PUDP: variants seen among roughly 807,000 people sequenced by gnomAD.
PUDP encodes pseudouridine 5'-phosphatase.
A neutral mutation model predicts 9.4 loss-of-function variants in PUDP; 8 were observed. That is an observed-to-expected ratio of 0.85 (90% CI 0.50 to 1.53). PUDP has a LOEUF of 1.53. Ranked by LOEUF, PUDP falls within the 40% of genes most tolerant of loss-of-function variation. The pLI, the probability that PUDP is intolerant of heterozygous loss-of-function variation, is 0.00. For synonymous variants in PUDP, 99 were observed against 80.7 expected, an observed-to-expected ratio of 1.23 and a Z score of -1.22; for missense variants, 188 against 189.7, an observed-to-expected ratio of 0.99 and a Z score of 0.05.
chrX:6,775,235 T>A (rs1003330489), intron 3 of PUDP, among the ~76,000 whole-genome samples: 5 of 112,129 alleles, frequency 4.5e-5, no homozygotes, highest in Non-Finnish European at 9.4e-5. Flanking sequence ...TTATTTCACT[T>A]AGTCTAATTT....
chrX:6,959,289 T>C (rs754976876), intron 3 of PUDP, among the ~76,000 whole-genome samples: 45 of 111,286 alleles, frequency 4.0e-4, no homozygotes, highest in Non-Finnish European at 7.5e-4. Flanking sequence ...GAGAGGCCCA[T>C]GGTGCCCATG....
At chrX:6,771,473 C>A (rs1391790600) in intron 3 of PUDP, among the ~76,000 whole-genome samples, 16 of 112,162 alleles carry the variant, frequency 1.4e-4, no homozygotes, top group Non-Finnish European at 1.9e-5. Context: ...ATGTCCGCAA[C>A]TCAAATTAGT....
At chrX:7,016,458 G>A (rs1245708848) in intron 1 of PUDP, among the ~76,000 whole-genome samples, 3 of 111,360 alleles carry the variant, frequency 2.7e-5, no homozygotes, top group Non-Finnish European at 5.7e-5. Flanking sequence ...TTGGTGGGTA[G>A]GGACAGGAAA....
At chrX:6,998,087 C>T (rs961612612) in intron 1 of PUDP, among the ~76,000 whole-genome samples, 6 of 111,754 alleles carry the variant, frequency 5.4e-5, no homozygotes, top group Non-Finnish European at 1.1e-4. Context: ...TTAAGATCAG[C>T]TTACAAGTAT....
chrX:6,909,402 C>A (rs1927815994), intron 3 of PUDP, among the ~76,000 whole-genome samples: 1 of 112,101 alleles, frequency 8.9e-6, no homozygotes, highest in Non-Finnish European at 1.9e-5. Flanking sequence ...CCCAAGATCA[C>A]TAGGGTCCTT....
intron 1 of PUDP, among the ~76,000 whole-genome samples, chrX:7,006,149 C>T (rs1929399453): frequency 8.9e-6 from 1 of 111,836 alleles, no homozygotes; most frequent in Non-Finnish European, 1.9e-5. Flanking sequence ...GTTGAGGTAC[C>T]AATATCTGTT....
chrX:6,997,592 G>A (rs1275407565), intron 1 of PUDP, among the ~76,000 whole-genome samples: 3 of 112,272 alleles, frequency 2.7e-5, no homozygotes, highest in Non-Finnish European at 5.6e-5. Flanking sequence ...ATAAAATAGT[G>A]CAGATTTCCA....
chrX:6,975,545 G>A (rs1247792021), intron 3 of PUDP, among the ~76,000 whole-genome samples: 2 of 111,389 alleles, frequency 1.8e-5, no homozygotes, highest in Admixed American at 1.9e-4. Flanking sequence ...AGTGGAGGCT[G>A]CAGAACAGCA....
At chrX:6,888,659 AC>A (rs1927466588) in intron 3 of PUDP, among the ~76,000 whole-genome samples, 1 of 110,422 alleles carries the variant, frequency 9.1e-6, no homozygotes, top group African/African-American at 3.3e-5. Context: ...CAAAACAAAA[AC>A]AAAAACAAAA....
intron 3 of PUDP, among the ~76,000 whole-genome samples, chrX:6,726,707 AT>A (rs1048605497): frequency 9.0e-6 from 1 of 111,698 alleles, no homozygotes; most frequent in African/African-American, 3.3e-5. Context: ...GCCAAGGGAG[AT>A]TTTTTTAATG....
chrX:7,116,908 C>T (rs1161011363), intron 1 of PUDP: 2 of 1,157,764 alleles, frequency 1.7e-6, no homozygotes, highest in African/African-American at 1.8e-5. Flanking sequence ...ATGGTACCTC[C>T]CCCCAACTCT....
At chrX:7,074,024 T>C (rs773442410) in intron 3 of PUDP, among the ~76,000 whole-genome samples, 6 of 112,801 alleles carry the variant, frequency 5.3e-5, no homozygotes, top group Non-Finnish European at 9.4e-5. Flanking sequence ...GGTTTCACCA[T>C]AACTGGTCCC....
At chrX:7,000,283 A>G (rs1427674356) in intron 1 of PUDP, among the ~76,000 whole-genome samples, 2 of 111,838 alleles carry the variant, frequency 1.8e-5, no homozygotes, top group Admixed American at 1.9e-4. Context: ...CTAGAAAAAT[A>G]TAACTGACTC....
intron 3 of PUDP, among the ~76,000 whole-genome samples, chrX:6,910,806 C>T (rs1234242728): frequency 1.8e-5 from 2 of 112,064 alleles, no homozygotes; most frequent in Admixed American, 9.4e-5. Flanking sequence ...ATTTATTGCT[C>T]ACAATTCTGG....
chrX:6,759,329 C>A (rs1338237550), intron 3 of PUDP, among the ~76,000 whole-genome samples: 1 of 111,964 alleles, frequency 8.9e-6, no homozygotes, highest in African/African-American at 3.2e-5. Flanking sequence ...TTTCCCCAGT[C>A]AAGATTTTTG....
intron 3 of PUDP, among the ~76,000 whole-genome samples, chrX:6,798,196 G>A (rs1032454838): frequency 3.3e-4 from 37 of 112,000 alleles, no homozygotes; most frequent in African/African-American, 1.1e-3. Context: ...GAAGGCAAAG[G>A]AGAAGCAAAG....
intron 2 of PUDP, among the ~76,000 whole-genome samples, chrX:7,077,933 T>C (rs1326830735): frequency 8.9e-6 from 1 of 112,601 alleles, no homozygotes; most frequent in Non-Finnish European, 1.9e-5. Flanking sequence ...AACACTTCAA[T>C]CATTCTTCAC....
rs578021670 is a variant in PUDP, at chrX:6,752,226, C to T, written c.*248-45760G>A. Among the ~76,000 whole-genome samples the T allele has an allele frequency of 6.3e-5, 7 of 111,857 alleles. No individual in the cohort carries two copies. The East Asian group carries it at 8.5e-4, about 14-fold the overall frequency. ...TGGTTTCCTAAACTTCACTCGATTG[C>T]TTCTTCTTGGTCTTGATCCATTTAA... is the stretch of plus-strand genomic sequence containing the variant. On this transcript the variant is annotated intron_variant and NMD_transcript_variant, in intron 3 of 3. Coordinates refer to the PUDP transcript ENST00000655425.
chrX:7,075,898 A>AC (rs1489990724), intron 3 of PUDP, among the ~76,000 whole-genome samples: 1 of 111,048 alleles, frequency 9.0e-6, no homozygotes, highest in Non-Finnish European at 1.9e-5. Flanking sequence ...GATTGCAGGA[A>AC]CCCCCAATTT....
Sources: allele counts gnomAD v4.1 joint callset (sites outside exome capture counted in the v4.1 genomes callset), GRCh38; gene constraint gnomAD v4.1.1; transcripts MANE v1.5; gene names NCBI Gene and HGNC (gene_info 2026-07-23, HGNC 2026-07-21).